The following ARMH4 variants were observed in gnomAD, a reference collection of about 807,000 sequenced individuals.
The protein encoded by ARMH4 is armadillo like helical domain containing 4.
Under a neutral mutation model 61.9 loss-of-function variants are expected in ARMH4, and 49 were observed. The observed-to-expected ratio is 0.79, with a 90% CI of 0.63 to 1.00. The LOEUF is 1.00. Among genes scored for constraint, ARMH4 ranks in the 50% least tolerant of loss-of-function variants. The pLI, the probability that ARMH4 is intolerant of heterozygous loss-of-function variation, is 0.00. For synonymous variants in ARMH4, 368 were observed against 341.5 expected, an observed-to-expected ratio of 1.08 and a Z score of -0.85; for missense variants, 934 against 930.0, an observed-to-expected ratio of 1.00 and a Z score of -0.06.
intron 5 of ARMH4, among the ~76,000 whole-genome samples, chr14:58,022,830 G>T (rs1418463524): frequency 6.6e-6 from 1 of 152,142 alleles, no homozygotes; most frequent in Non-Finnish European, 1.5e-5. Flanking sequence ...AGATATTGTA[G>T]GTTCAGTCCC....
intron 1 of ARMH4, among the ~76,000 whole-genome samples, chr14:58,148,964 C>G (rs1405722653): frequency 1.3e-5 from 2 of 152,042 alleles, no homozygotes; most frequent in Non-Finnish European, 2.9e-5. Flanking sequence ...TTTTGAAATA[C>G]AATTAGTGAT....
intron 5 of ARMH4, among the ~76,000 whole-genome samples, chr14:58,083,579 T>C (rs1400682927): frequency 1.3e-5 from 2 of 152,184 alleles, no homozygotes; most frequent in Non-Finnish European, 2.9e-5. Flanking sequence ...CAAGACTCCA[T>C]CTCAAAGGCA....
At chr14:58,102,534 G>A (rs1036876653) in intron 4 of ARMH4, among the ~76,000 whole-genome samples, 38 of 152,192 alleles carry the variant, frequency 2.5e-4, no homozygotes, top group South Asian at 1.2e-3. Flanking sequence ...TAAGGCGGCC[G>A]GGCGCGGTGG....
intron 5 of ARMH4, among the ~76,000 whole-genome samples, chr14:58,040,112 G>C (rs1049200217): frequency 6.6e-6 from 1 of 152,198 alleles, no homozygotes; most frequent in Non-Finnish European, 1.5e-5. Context: ...AGACCCACCA[G>C]AGCCAGTGGA....
chr14:58,084,193 CAAGGTTCCACTGG>C (rs1699550099), intron 5 of ARMH4, among the ~76,000 whole-genome samples: 1 of 147,776 alleles, frequency 6.8e-6, no homozygotes, highest in Non-Finnish European at 1.5e-5. Flanking sequence ...GAAAAGGCTG[CAAGGTTCCACTGG>C]AAACAAACTT....
Position 58,019,036 on chromosome 14 carries a change from G to A in ARMH4, c.2090-6886C>T, listed in dbSNP as rs142323294. 2.1e-3 allele frequency among the ~76,000 whole-genome samples: 316 copies of A among 150,252 alleles called. 1 individual carries two copies. Among genetic ancestry groups the A allele is most frequent in the African/African-American group, 7.3e-3 (295 of 40,494 alleles). ...AGCTAGGCACAGAAAGACAAATATC[G>A]CACAATCTCACTTATATGTAGAATC... On this transcript the variant is annotated intron_variant, in intron 5 of 7. Coordinates refer to ENST00000267485, the MANE Select transcript of ARMH4 (RefSeq NM_001001872.4).
intron 1 of ARMH4, among the ~76,000 whole-genome samples, chr14:58,149,561 T>C (rs758136004): frequency 1.2e-4 from 18 of 152,204 alleles, no homozygotes; most frequent in African/African-American, 1.9e-4. Flanking sequence ...AAGTTCTACA[T>C]ACTGAGCCCA....
intron 1 of ARMH4, among the ~76,000 whole-genome samples, chr14:58,144,761 G>C (rs777429919): frequency 2.0e-5 from 3 of 151,972 alleles, no homozygotes; most frequent in Non-Finnish European, 2.9e-5. Flanking sequence ...CCAGCTACTC[G>C]GGAGGCTGAG....
At chr14:58,124,695 C>T (rs1399470870) in intron 4 of ARMH4, among the ~76,000 whole-genome samples, 1 of 152,192 alleles carries the variant, frequency 6.6e-6, no homozygotes, top group African/African-American at 2.4e-5. Flanking sequence ...CAAACCTACG[C>T]TGCTCGAGGG....
chr14:58,105,968 C>A (rs144821361), intron 4 of ARMH4, among the ~76,000 whole-genome samples: 302 of 152,228 alleles, frequency 2.0e-3, no homozygotes, highest in African/African-American at 7.0e-3. Flanking sequence ...CATCACAACC[C>A]CAAACACTAA....
chr14:58,089,375 T>G (rs1035035460), intron 5 of ARMH4, among the ~76,000 whole-genome samples: 1 of 152,180 alleles, frequency 6.6e-6, no homozygotes, highest in African/African-American at 2.4e-5. Context: ...GTGTTTTAAA[T>G]GGATAATAAG....
At chr14:58,090,061 T>C (rs1157047929) in intron 5 of ARMH4, among the ~76,000 whole-genome samples, 2 of 152,194 alleles carry the variant, frequency 1.3e-5, no homozygotes, top group Non-Finnish European at 2.9e-5. Flanking sequence ...GACCATTAAT[T>C]GAGCATCATG....
intron 4 of ARMH4, among the ~76,000 whole-genome samples, chr14:58,112,277 T>C (rs1488851603): frequency 3.4e-5 from 5 of 148,846 alleles, no homozygotes; most frequent in Admixed American, 2.6e-4. Context: ...TTTTCTGTGC[T>C]TAATTTTTCT....
intron 5 of ARMH4, among the ~76,000 whole-genome samples, chr14:58,015,397 A>T (rs1389640563): frequency 6.6e-6 from 1 of 152,154 alleles, no homozygotes; most frequent in Admixed American, 6.5e-5. Flanking sequence ...AAGGTTGAGG[A>T]AACACTATTC....
intron 4 of ARMH4, among the ~76,000 whole-genome samples, chr14:58,127,697 G>A (rs2141319819): frequency 6.6e-6 from 1 of 152,172 alleles, no homozygotes; most frequent in East Asian, 1.9e-4. Flanking sequence ...CTTTTTTCTT[G>A]CAGAAGAGCT....
chr14:58,063,784 GCT>G (rs1170245441), intron 5 of ARMH4, among the ~76,000 whole-genome samples: 1 of 152,164 alleles, frequency 6.6e-6, no homozygotes, highest in Non-Finnish European at 1.5e-5. Flanking sequence ...TGCACGGGTA[GCT>G]CTCAATCACA....
chr14:58,107,177 C>T (rs2141280884), intron 4 of ARMH4, among the ~76,000 whole-genome samples: 1 of 152,280 alleles, frequency 6.6e-6, no homozygotes, highest in Non-Finnish European at 1.5e-5. Flanking sequence ...AAGTAGCTAG[C>T]ACTTCCAGGC....
intron 5 of ARMH4, among the ~76,000 whole-genome samples, chr14:58,021,259 G>A (rs1441806415): frequency 6.6e-6 from 1 of 152,170 alleles, no homozygotes; most frequent in Non-Finnish European, 1.5e-5. Flanking sequence ...GAGGGACATG[G>A]TGGGAGATAA....
intron 5 of ARMH4, among the ~76,000 whole-genome samples, chr14:58,015,339 T>G (rs1882570983): frequency 1.3e-5 from 2 of 152,158 alleles, no homozygotes; most frequent in Admixed American, 6.5e-5. Flanking sequence ...TATTCTTGGC[T>G]GGAGAGAGAG....
Sources: gnomAD v4.1 joint callset for allele counts (sites outside exome capture counted in the v4.1 genomes callset) on GRCh38, gnomAD v4.1.1 for gene constraint, MANE v1.5 for transcripts, NCBI Gene and HGNC (gene_info 2026-07-23, HGNC 2026-07-21) for gene names.